Variants in EXOC4 observed in about 807,000 individuals in gnomAD.
The protein encoded by EXOC4 is SEC8-like 1.
In EXOC4, 71 loss-of-function variants were observed where a neutral mutation model predicts 107.2. That is an observed-to-expected ratio of 0.66 (90% CI 0.55 to 0.81). The LOEUF is 0.81. EXOC4 is among the 30% of genes least tolerant of loss of function. The pLI is 0.00. For synonymous variants in EXOC4, 456 were observed against 441.2 expected (o/e 1.03, Z -0.42); for missense variants, 1,108 against 1,189.6 (o/e 0.93, Z 1.01).
At chr7:133,505,843 C>G (rs908499019) in intron 9 of EXOC4, among the ~76,000 whole-genome samples, 24 of 152,110 alleles carry the variant, frequency 1.6e-4, no homozygotes, top group Admixed American at 1.6e-3. Flanking sequence ...ACATTTCTCT[C>G]TGGGAGTTTC....
intron 11 of EXOC4, among the ~76,000 whole-genome samples, chr7:133,855,844 T>C (rs866254635): frequency 3.3e-5 from 5 of 152,210 alleles, no homozygotes; most frequent in Non-Finnish European, 7.3e-5. Context: ...TGCATCTGTC[T>C]ACAGAGAAGG....
intron 9 of EXOC4, among the ~76,000 whole-genome samples, chr7:133,494,856 G>A (rs6979546): frequency 6.6e-6 from 1 of 152,108 alleles, no homozygotes; most frequent in Non-Finnish European, 1.5e-5. Context: ...TTTAAGTAAC[G>A]TCTACTTTTC....
At chr7:133,975,802 G>C (rs1379778443) in intron 14 of EXOC4, among the ~76,000 whole-genome samples, 1 of 151,946 alleles carries the variant, frequency 6.6e-6, no homozygotes, top group Non-Finnish European at 1.5e-5. Flanking sequence ...CCAAGAAGTA[G>C]ATATCATAAT....
chr7:133,682,393 T>A (rs2151069493), intron 10 of EXOC4, among the ~76,000 whole-genome samples: 1 of 152,336 alleles, frequency 6.6e-6, no homozygotes, highest in African/African-American at 2.4e-5. Context: ...TCTCACGAGA[T>A]CTGATGGGTT....
intron 10 of EXOC4, among the ~76,000 whole-genome samples, chr7:133,788,824 A>G (rs546913599): frequency 1.6e-4 from 25 of 152,126 alleles, no homozygotes; most frequent in African/African-American, 4.8e-4. Context: ...CCTACATGCA[A>G]TAGGCCCTCA....
intron 12 of EXOC4, among the ~76,000 whole-genome samples, chr7:133,915,548 G>A (rs1421890069): frequency 6.6e-6 from 1 of 152,136 alleles, no homozygotes; most frequent in Non-Finnish European, 1.5e-5. Context: ...TAAAGAAATA[G>A]CTACTAAGAT....
intron 2 of EXOC4, among the ~76,000 whole-genome samples, chr7:133,281,437 T>G (rs1385804360): frequency 6.7e-6 from 1 of 149,618 alleles, no homozygotes; most frequent in Non-Finnish European, 1.5e-5. Context: ...AGTACTTATA[T>G]GTAGATTTAC....
intron 9 of EXOC4, among the ~76,000 whole-genome samples, chr7:133,542,357 TC>T (rs1225691377): frequency 6.6e-6 from 1 of 152,152 alleles, no homozygotes; most frequent in East Asian, 1.9e-4. Flanking sequence ...CCTGTGTGTC[TC>T]TAGATTCTTC....
intron 17 of EXOC4, among the ~76,000 whole-genome samples, chr7:134,052,143 A>G (rs1795810002): frequency 6.6e-6 from 1 of 152,226 alleles, no homozygotes; most frequent in African/African-American, 2.4e-5. Flanking sequence ...TAGAAAGGAC[A>G]GGCAGTGAAT....
At chr7:134,049,135 G>C (rs1443639614) in intron 17 of EXOC4, among the ~76,000 whole-genome samples, 2 of 152,092 alleles carry the variant, frequency 1.3e-5, no homozygotes, top group African/African-American at 4.8e-5. Context: ...ATGACTAAAA[G>C]TTTCTGAGTT....
intron 7 of EXOC4, among the ~76,000 whole-genome samples, chr7:133,376,551 T>C (rs1378425905): frequency 1.3e-5 from 2 of 152,224 alleles, no homozygotes; most frequent in Non-Finnish European, 2.9e-5. Flanking sequence ...AGGTGAGCTT[T>C]ACCTTCATCC....
chr7:133,492,372 G>C (rs1165526691), intron 9 of EXOC4, among the ~76,000 whole-genome samples: 1 of 152,044 alleles, frequency 6.6e-6, no homozygotes, highest in African/African-American at 2.4e-5. Flanking sequence ...TATAAAAAGA[G>C]GAGTAGTTTT....
intron 11 of EXOC4, among the ~76,000 whole-genome samples, chr7:133,823,874 A>ATAT (rs1797613937): frequency 3.3e-4 from 3 of 9,090 alleles, no homozygotes; most frequent in African/African-American, 1.3e-3. Flanking sequence ...TATATATATT[A>ATAT]TATATATATA....
chr7:133,763,204 C>G (rs1269933930), intron 10 of EXOC4, among the ~76,000 whole-genome samples: 1 of 152,070 alleles, frequency 6.6e-6, no homozygotes, highest in Non-Finnish European at 1.5e-5. Flanking sequence ...TGCTACTCCC[C>G]CCTGCCACAG....
At chr7:133,782,721 A>G (rs1268481987) in intron 10 of EXOC4, among the ~76,000 whole-genome samples, 2 of 152,162 alleles carry the variant, frequency 1.3e-5, no homozygotes, top group Non-Finnish European at 2.9e-5. Flanking sequence ...AATGACTGTC[A>G]CCTTAGATTA....
chr7:133,380,366 C>G (rs1431581241), intron 7 of EXOC4, among the ~76,000 whole-genome samples: 1 of 151,928 alleles, frequency 6.6e-6, no homozygotes, highest in African/African-American at 2.4e-5. Context: ...ATATAATTTA[C>G]ATGCTATAAA....
intron 9 of EXOC4, among the ~76,000 whole-genome samples, chr7:133,555,932 TGTTA>T (rs1423870485): frequency 6.6e-6 from 1 of 152,216 alleles, no homozygotes; most frequent in Non-Finnish European, 1.5e-5. Flanking sequence ...TCATTTTACC[TGTTA>T]GTTGTTGCCT....
rs897286991 is a variant in EXOC4 at position 133,305,773 on chromosome 7, G to A, written c.472-104G>A. On this transcript the variant is annotated intron_variant, in intron 3 of 17. Transcript: ENST00000253861. Reference sequence around the variant, plus strand: ...TCTTTTATATGCTGATAAAGTTCTCGTAAGCTCCCTTTGTTAGTATCTTTT... The same window carrying A: ...TCTTTTATATGCTGATAAAGTTCTCATAAGCTCCCTTTGTTAGTATCTTTT... 1.9e-5 allele frequency: 16 copies of A among 861,238 alleles called. No homozygotes were observed. In the African/African-American group the frequency reaches 2.0e-4, roughly 11 times the overall value. 53.3% of individuals were successfully genotyped at this position (861,238 alleles called of 1,614,324 possible).
intron 9 of EXOC4, among the ~76,000 whole-genome samples, chr7:133,513,307 G>A (rs1017931341): frequency 6.6e-6 from 1 of 152,078 alleles, no homozygotes; most frequent in Non-Finnish European, 1.5e-5. Flanking sequence ...GAGCTCAAGC[G>A]ATCCATCGCC....
Sources: gnomAD v4.1 joint callset for allele counts (sites outside exome capture counted in the v4.1 genomes callset) on GRCh38, gnomAD v4.1.1 for gene constraint, MANE v1.5 for transcripts, NCBI Gene and HGNC (gene_info 2026-07-23, HGNC 2026-07-21) for gene names.